The following CNTNAP2 variants were observed in gnomAD, a reference collection of about 807,000 sequenced individuals.
CNTNAP2 encodes contactin associated protein 2, also known as contactin-associated protein-like 2.
CNTNAP2 carries 98 observed loss-of-function variants against 155.2 expected under a neutral mutation model. The ratio of observed to expected loss-of-function variants is 0.63; its 90% CI spans 0.54 to 0.75. CNTNAP2 has a LOEUF of 0.75. Ranked by LOEUF, CNTNAP2 falls within the 30% of genes least tolerant of loss-of-function variation. CNTNAP2 has a pLI of 0.00. For synonymous variants in CNTNAP2, 651 were observed against 631.2 expected (o/e 1.03, Z -0.47); for missense variants, 1,727 against 1,688.1 (o/e 1.02, Z -0.40).
chr7:146,515,010 A>G (rs1184927584), intron 1 of CNTNAP2, among the ~76,000 whole-genome samples: 1 of 152,040 alleles, frequency 6.6e-6, no homozygotes, highest in Non-Finnish European at 1.5e-5. Flanking sequence ...TGGGTTTCCC[A>G]AATGGAATAT....
intron 15 of CNTNAP2, among the ~76,000 whole-genome samples, chr7:148,054,675 C>T (rs1428536907): frequency 1.3e-5 from 2 of 151,872 alleles, no homozygotes. Flanking sequence ...TTCACATGGT[C>T]AATAAGATCT....
At chr7:147,225,802 A>AAGGAAGGAAG (rs1803515340) in intron 8 of CNTNAP2, among the ~76,000 whole-genome samples, 1 of 94,796 alleles carries the variant, frequency 1.1e-5, no homozygotes, top group Admixed American at 1.0e-4. Context: ...AAGGAAGGAA[A>AAGGAAGGAAG]GAAAGAAAGA....
At chr7:148,055,662 G>A (rs911231608) in intron 15 of CNTNAP2, among the ~76,000 whole-genome samples, 2 of 152,164 alleles carry the variant, frequency 1.3e-5, no homozygotes, top group South Asian at 2.1e-4. Flanking sequence ...TGGTAGTCCT[G>A]TTTTGTCCCA....
chr7:147,059,524 A>G (rs1339888756), intron 4 of CNTNAP2, among the ~76,000 whole-genome samples: 3 of 151,364 alleles, frequency 2.0e-5, no homozygotes, highest in African/African-American at 4.9e-5. Context: ...AAAATTAAGT[A>G]TAGTACTATC....
At chr7:148,347,648 TC>T (rs1360696350) in intron 21 of CNTNAP2, among the ~76,000 whole-genome samples, 5 of 152,212 alleles carry the variant, frequency 3.3e-5, no homozygotes, top group African/African-American at 1.2e-4. Flanking sequence ...AATTTTAGTG[TC>T]CTGAAAACAT....
At chr7:147,088,625 G>T (rs1800331687) in intron 4 of CNTNAP2, among the ~76,000 whole-genome samples, 1 of 152,118 alleles carries the variant, frequency 6.6e-6, no homozygotes, top group Non-Finnish European at 1.5e-5. Flanking sequence ...GCCCTGAAGG[G>T]CCGTGTCAGG....
chr7:147,580,564 GCTGT>G (rs1446634013), intron 12 of CNTNAP2, among the ~76,000 whole-genome samples: 4 of 74,990 alleles, frequency 5.3e-5, no homozygotes, highest in Admixed American at 2.9e-4. Flanking sequence ...ACCTTGTATT[GCTGT>G]CTATTTCCAT....
intron 22 of CNTNAP2, among the ~76,000 whole-genome samples, chr7:148,409,031 T>C (rs1799766650): frequency 6.6e-6 from 1 of 152,200 alleles, no homozygotes; most frequent in South Asian, 2.1e-4. Context: ...CAGTTGTGCA[T>C]GGGGTTAAAA....
intron 1 of CNTNAP2, among the ~76,000 whole-genome samples, chr7:146,126,857 A>C (rs901196851): frequency 2.0e-4 from 30 of 152,156 alleles, no homozygotes; most frequent in Admixed American, 6.6e-5. Context: ...TCTTGTATCC[A>C]TCCGCTGCTC....
chr7:147,225,798 G>GGAAGGAAA (rs1563123741), intron 8 of CNTNAP2, among the ~76,000 whole-genome samples: 3 of 71,178 alleles, frequency 4.2e-5, no homozygotes, highest in Admixed American at 2.9e-4. Context: ...AAGGAAGGAA[G>GGAAGGAAA]GAAAGAAAGA....
intron 13 of CNTNAP2, among the ~76,000 whole-genome samples, chr7:147,842,582 C>CTTTTTT (rs1563108253): frequency 5.4e-5 from 3 of 55,160 alleles, no homozygotes; most frequent in Non-Finnish European, 1.1e-4. Context: ...TTACTTTTTA[C>CTTTTTT]TTTTCTTTTT....
chr7:146,842,870 A>G (rs1453003177), intron 3 of CNTNAP2, among the ~76,000 whole-genome samples: 1 of 150,202 alleles, frequency 6.7e-6, no homozygotes, highest in Non-Finnish European at 1.5e-5. Flanking sequence ...TATTTTTAGT[A>G]GAGACGGGGT....
intron 13 of CNTNAP2, among the ~76,000 whole-genome samples, chr7:147,804,345 A>G (rs1448104827): frequency 6.6e-6 from 1 of 152,194 alleles, no homozygotes; most frequent in Non-Finnish European, 1.5e-5. Context: ...CCAGAGAGAC[A>G]TGTAGAATCA....
chr7:147,697,174 C>T (rs937202453), intron 13 of CNTNAP2, among the ~76,000 whole-genome samples: 1 of 152,128 alleles, frequency 6.6e-6, no homozygotes, highest in African/African-American at 2.4e-5. Flanking sequence ...GTCACCAAAG[C>T]CATTCTTCAT....
intron 1 of CNTNAP2, among the ~76,000 whole-genome samples, chr7:146,458,339 T>C (rs894150944): frequency 2.0e-5 from 3 of 152,214 alleles, no homozygotes; most frequent in East Asian, 3.9e-4. Context: ...GTGAGATGCA[T>C]GTTAGATTAT....
intron 8 of CNTNAP2, among the ~76,000 whole-genome samples, chr7:147,140,424 T>C (rs1801568821): frequency 6.6e-6 from 1 of 152,018 alleles, no homozygotes; most frequent in Admixed American, 6.6e-5. Flanking sequence ...TGCTATTTTA[T>C]TTTTAACCCT....
chr7:148,385,449 A>AC (rs1310072114), intron 22 of CNTNAP2, among the ~76,000 whole-genome samples: 8 of 152,192 alleles, frequency 5.3e-5, no homozygotes, highest in African/African-American at 1.9e-4. Context: ...CTCTCAGATA[A>AC]ATTCCTCCAA....
chr7:147,774,030 C>T (rs700320), intron 13 of CNTNAP2, among the ~76,000 whole-genome samples: 59,598 of 151,842 alleles, frequency 0.39, 14,300 homozygotes, highest in African/African-American at 0.69. Context: ...CTGCTTGGTA[C>T]GTTCTCTTCT....
intron 10 of CNTNAP2, among the ~76,000 whole-genome samples, chr7:147,478,286 G>A (rs1798357176): frequency 6.6e-6 from 1 of 151,870 alleles, no homozygotes; most frequent in Admixed American, 6.6e-5. Context: ...CCAAGTAGCT[G>A]GGACTACAGG....
Sources: gnomAD v4.1 joint callset for allele counts (sites outside exome capture counted in the v4.1 genomes callset) on GRCh38, gnomAD v4.1.1 for gene constraint, MANE v1.5 for transcripts, NCBI Gene and HGNC (gene_info 2026-07-23, HGNC 2026-07-21) for gene names.